The following RASGRF1 variants were observed in gnomAD, a reference collection of about 807,000 sequenced individuals.
RASGRF1 encodes Ras protein specific guanine nucleotide releasing factor 1, also known as ras-specific guanine nucleotide-releasing factor 1.
Under a neutral mutation model 138.7 loss-of-function variants are expected in RASGRF1, and 40 were observed. The ratio of observed to expected loss-of-function variants is 0.29; its 90% CI spans 0.22 to 0.38. The LOEUF is 0.38. RASGRF1 is among the 10% of genes least tolerant of loss of function. RASGRF1 has a pLI of 1.00. For missense variants in RASGRF1, 1,108 were observed against 1,650.4 expected (o/e 0.67, Z 5.69); for synonymous variants, 614 against 663.2 (o/e 0.93, Z 1.14).
chr15:78,980,805 T>G (rs1215328621), intron 23 of RASGRF1, 106 bp from the exon 24 acceptor site: 4 of 806,310 alleles, frequency 5.0e-6, no homozygotes, highest in Non-Finnish European at 5.7e-6. Flanking sequence ...GGCTCCAGAA[T>G]TGCCTTCCCT....
intron 26 of RASGRF1, among the ~76,000 whole-genome samples, chr15:78,970,430 TCAAA>T (rs2141594916): frequency 6.6e-6 from 1 of 151,950 alleles, no homozygotes; most frequent in East Asian, 1.9e-4. Flanking sequence ...TTGCAATCTT[TCAAA>T]AATGCAAACT....
chr15:79,014,928 A>C (rs1486129125), intron 13 of RASGRF1, among the ~76,000 whole-genome samples: 10 of 140,572 alleles, frequency 7.1e-5, no homozygotes, highest in South Asian at 2.2e-4. Flanking sequence ...AAAAAACAAA[A>C]AACAAAAAAC....
At chr15:78,999,105 C>G (rs2056459385) in intron 17 of RASGRF1, among the ~76,000 whole-genome samples, 3 of 151,372 alleles carry the variant, frequency 2.0e-5, no homozygotes, top group Admixed American at 2.0e-4. Context: ...CAGAGCCACG[C>G]AGGGCCTCCC....
chr15:78,993,261 TGTG>T (rs1480385604), intron 20 of RASGRF1, among the ~76,000 whole-genome samples: 3 of 142,730 alleles, frequency 2.1e-5, no homozygotes, highest in Non-Finnish European at 1.5e-5. Context: ...GTGTGTGTGG[TGTG>T]GTGTGTGTGG....
intron 22 of RASGRF1, among the ~76,000 whole-genome samples, chr15:78,987,860 G>A (rs73465321): frequency 0.028 from 4,298 of 152,178 alleles, 220 homozygotes; most frequent in African/African-American, 0.099. Context: ...TAGCTCCTTC[G>A]ATTTTGCTCT....
intron 26 of RASGRF1, among the ~76,000 whole-genome samples, chr15:78,966,487 G>T (rs1188304329): frequency 6.6e-6 from 1 of 151,974 alleles, no homozygotes; most frequent in Non-Finnish European, 1.5e-5. Context: ...CAATTCTCCT[G>T]TCTTGGCCTC....
chr15:79,065,100 C>G (rs1057114058), intron 1 of RASGRF1, among the ~76,000 whole-genome samples: 2 of 152,228 alleles, frequency 1.3e-5, no homozygotes, highest in Admixed American at 6.5e-5. Context: ...AGACACCCAT[C>G]TGCAATACTG....
intron 13 of RASGRF1, among the ~76,000 whole-genome samples, chr15:79,007,082 A>C (rs1413573509): frequency 6.6e-6 from 1 of 152,244 alleles, no homozygotes; most frequent in Non-Finnish European, 1.5e-5. Flanking sequence ...GAAACTACCC[A>C]GGTGTCCATC....
At chr15:79,042,586 C>G (rs1006744387) in intron 5 of RASGRF1, among the ~76,000 whole-genome samples, 1 of 152,208 alleles carries the variant, frequency 6.6e-6, no homozygotes, top group Admixed American at 6.5e-5. Context: ...GGAGAGAATT[C>G]CAACCCATTA....
Position 79,046,950 on chromosome 15 carries a change from A to G in RASGRF1, c.674T>C (p.Ile225Thr). 3.1e-6 allele frequency: 5 copies of G among 1,613,890 alleles called. No individual in the cohort carries two copies. The highest frequency in any genetic ancestry group is 2.2e-5 in the East Asian group (1 of 44,880). ...GGGTGACCGGATGTAGTCCTGGATG[A>G]TGGTCTTCCACTTCCGCCGGCACAG... ...GWLCRRKWKT[I>T]IQDYIRSPHA... Residue 225 changes from isoleucine to threonine, a missense_variant, in exon 5 of 27, where the codon ATC becomes ACC. By Grantham distance (89) the Ile-to-Thr change is moderately conservative (BLOSUM62 -1). Transcript: ENST00000558480. The surrounding 1 kb of genome is among the most constrained non-coding windows in gnomAD (Gnocchi z 5.3).
intron 1 of RASGRF1, 106 bp downstream of exon 1, chr15:79,090,117 A>T: frequency 7.2e-7 from 1 of 1,391,128 alleles, no homozygotes; most frequent in Non-Finnish European, 9.4e-7. Flanking sequence ...CTAGGGCGCC[A>T]AGAGTAGAGG....
Position 78,991,625 on chromosome 15 carries a change from C to T in RASGRF1, c.3131+66G>A, listed in dbSNP as rs1347415869. 6.1e-6 allele frequency: 8 copies of T among 1,303,828 alleles called. No individual in the cohort carries two copies. In the African/African-American group the frequency reaches 1.2e-4, roughly 19 times the overall value. 80.8% of individuals were successfully genotyped at this position (1,303,828 alleles called of 1,614,324 possible). A position where few individuals can be genotyped will look rare whatever the true frequency, so the allele number is the denominator to read the frequency against. ...CTCTGGAAATTCACTGCGTGTGCTT[C>T]CAGGGTGCTGTCCAAGACAGTGCCT... On this transcript the variant is annotated intron_variant, in intron 21 of 26. Coordinates refer to ENST00000558480, the MANE Select transcript of RASGRF1 (RefSeq NM_001145648.3).
chr15:79,089,330 G>A (rs896465315), intron 1 of RASGRF1, among the ~76,000 whole-genome samples: 2 of 152,218 alleles, frequency 1.3e-5, no homozygotes, highest in African/African-American at 2.4e-5. Flanking sequence ...TTTGGAAAGC[G>A]CACCAAGCTT....
At chr15:78,999,655 G>C in intron 17 of RASGRF1, 88 bp downstream of exon 17, 4 of 1,499,454 alleles carry the variant, frequency 2.7e-6, no homozygotes, top group Non-Finnish European at 3.7e-6. Flanking sequence ...ACCCACAGCA[G>C]AGCAAGTCCC....
intron 1 of RASGRF1, among the ~76,000 whole-genome samples, chr15:79,087,112 C>G (rs1284558129): frequency 6.6e-6 from 1 of 152,224 alleles, no homozygotes; most frequent in East Asian, 1.9e-4. Flanking sequence ...GGTCTGGATA[C>G]AGCCAGATGA....
chr15:79,068,398 C>G (rs2057707657), intron 1 of RASGRF1, among the ~76,000 whole-genome samples: 1 of 151,640 alleles, frequency 6.6e-6, no homozygotes, highest in South Asian at 2.1e-4. Flanking sequence ...AAGTCTCTTC[C>G]TCCTTGTCAT....
At chr15:78,972,016 A>G in intron 25 of RASGRF1, 82 bp from the exon 26 acceptor site, 2 of 1,212,668 alleles carry the variant, frequency 1.6e-6, no homozygotes, top group Admixed American at 1.7e-5. Flanking sequence ...AGGGGCATCA[A>G]CAACTAAATC....
chr15:78,998,665 G>A lies in RASGRF1; in HGVS notation c.2853+54C>T, dbSNP rs2056448147. 2.1e-6 allele frequency: 3 copies of A among 1,447,314 alleles called. No individual in the cohort carries two copies. In the East Asian group the frequency reaches 6.8e-5, roughly 33 times the overall value. The allele number at this position is 1,447,314 out of a possible 1,614,324, so 89.7% of individuals were successfully genotyped here. On this transcript the variant is annotated intron_variant, in intron 18 of 26. Coordinates refer to ENST00000558480, the MANE Select transcript of RASGRF1 (RefSeq NM_001145648.3). ...TGCTTTTGGAAGGCAGCTGGTTCCT[G>A]GGGCCATTGCCTGGTGGTCCCCAGC...
chr15:78,981,655 G>A (rs888581099), intron 23 of RASGRF1: 1 of 152,240 alleles, frequency 6.6e-6, no homozygotes, highest in Non-Finnish European at 1.5e-5. Flanking sequence ...AGATCTGTGT[G>A]TGCTCTTCAA....
Sources: allele counts gnomAD v4.1 joint callset (sites outside exome capture counted in the v4.1 genomes callset), GRCh38; gene constraint gnomAD v4.1.1; non-coding constraint Gnocchi (gnomAD v3.1); transcripts MANE v1.5; gene names NCBI Gene and HGNC (gene_info 2026-07-23, HGNC 2026-07-21).